SEM1: variants seen among roughly 807,000 people sequenced by gnomAD.
The protein encoded by SEM1 is 26S proteasome complex subunit SEM1.
SEM1 carries 3 observed loss-of-function variants against 12.7 expected under a neutral mutation model. The observed-to-expected ratio is 0.24, with a 90% CI of 0.11 to 0.61. The LOEUF (loss-of-function observed/expected upper bound fraction) is 0.61. Among genes scored for constraint, SEM1 ranks in the 20% least tolerant of loss-of-function variants. The probability of loss-of-function intolerance (pLI) is 0.88; values close to 1 mark genes in which losing one functional copy is unlikely to be tolerated. For synonymous variants in SEM1, 30 were observed against 27.8 expected (o/e 1.08, Z -0.25); for missense variants, 59 against 81.3 (o/e 0.73, Z 1.06).
intron 2 of SEM1, among the ~76,000 whole-genome samples, chr7:96,677,726 C>A (rs1205467774): frequency 6.6e-6 from 1 of 151,822 alleles, no homozygotes; most frequent in East Asian, 1.9e-4. Flanking sequence ...AGAAAGTCCT[C>A]AATTGGCTTC....
chr7:96,536,363 G>A (rs1804785389), intron 2 of SEM1, among the ~76,000 whole-genome samples: 1 of 151,664 alleles, frequency 6.6e-6, no homozygotes, highest in African/African-American at 2.4e-5. Context: ...AATGTTTCTT[G>A]TGACCTTGAG....
intron 2 of SEM1, among the ~76,000 whole-genome samples, chr7:96,613,108 T>C (rs1208901601): frequency 2.6e-5 from 4 of 152,224 alleles, no homozygotes; most frequent in Non-Finnish European, 4.4e-5. Context: ...CCATGCATTG[T>C]CTAGACTCTA....
At chr7:96,541,235 C>T (rs1184980519) in intron 2 of SEM1, among the ~76,000 whole-genome samples, 2 of 151,838 alleles carry the variant, frequency 1.3e-5, no homozygotes, top group Non-Finnish European at 2.9e-5. Context: ...ATTTTCTCTT[C>T]AGCCTCGCCA....
downstream of SEM1, chr7:96,622,494 T>G: frequency 1.5e-6 from 1 of 657,590 alleles, no homozygotes; most frequent in South Asian, 1.7e-5. Context: ...TTTTCCTTTC[T>G]ATCTTCTGCC....
intron 1 of SEM1, among the ~76,000 whole-genome samples, chr7:96,697,900 A>G (rs1790148453): frequency 6.6e-6 from 1 of 152,168 alleles, no homozygotes; most frequent in Non-Finnish European, 1.5e-5. Context: ...GTAGGTTATC[A>G]TAATGCAAAC....
intron 2 of SEM1, among the ~76,000 whole-genome samples, chr7:96,508,467 T>A (rs936884829): frequency 2.6e-5 from 4 of 152,092 alleles, no homozygotes; most frequent in African/African-American, 9.7e-5. Flanking sequence ...ACTCCACTCA[T>A]GTATACATGG....
chr7:96,604,201 A>G (rs1287012968), intron 2 of SEM1, among the ~76,000 whole-genome samples: 2 of 152,180 alleles, frequency 1.3e-5, no homozygotes, highest in South Asian at 2.1e-4. Context: ...AGTAGGAGCC[A>G]CCAGCTGTGG....
chr7:96,513,415 A>G (rs1436112172), intron 2 of SEM1, among the ~76,000 whole-genome samples: 1 of 152,210 alleles, frequency 6.6e-6, no homozygotes, highest in Non-Finnish European at 1.5e-5. Flanking sequence ...ATTAGTATTT[A>G]AAAATCCAAC....
At chr7:96,654,074 G>C (rs1428645880) in intron 2 of SEM1, among the ~76,000 whole-genome samples, 2 of 152,218 alleles carry the variant, frequency 1.3e-5, no homozygotes, top group African/African-American at 2.4e-5. Flanking sequence ...GCAATGATGA[G>C]AGTGCACTTA....
chr7:96,705,404 T>A (rs1395150022), intron 1 of SEM1, among the ~76,000 whole-genome samples: 5 of 148,844 alleles, frequency 3.4e-5, no homozygotes, highest in Admixed American at 3.3e-4. Context: ...AGGAAGAGAA[T>A]AAAAGAATCT....
intron 2 of SEM1, among the ~76,000 whole-genome samples, chr7:96,572,668 A>G (rs879022381): frequency 6.6e-6 from 1 of 151,844 alleles, no homozygotes; most frequent in Non-Finnish European, 1.5e-5. Flanking sequence ...GATTTCCATT[A>G]TTTTGCATTT....
intron 2 of SEM1, among the ~76,000 whole-genome samples, chr7:96,524,291 A>T (rs1804376916): frequency 6.6e-6 from 1 of 152,160 alleles, no homozygotes; most frequent in African/African-American, 2.4e-5. Flanking sequence ...CACTGAAAAG[A>T]TATAGACCAA....
downstream of SEM1, chr7:96,687,889 C>T (rs1223482010): frequency 6.6e-6 from 1 of 151,950 alleles, no homozygotes; most frequent in Non-Finnish European, 1.5e-5. Context: ...CTAGCAGTTC[C>T]GTTAGGCAGG....
At chr7:96,595,917 G>C (rs1306401851) in intron 2 of SEM1, among the ~76,000 whole-genome samples, 1 of 152,090 alleles carries the variant, frequency 6.6e-6, no homozygotes, top group Non-Finnish European at 1.5e-5. Context: ...CCAACAAAGA[G>C]GTGTGTAGCC....
intron 2 of SEM1, among the ~76,000 whole-genome samples, chr7:96,678,434 G>C (rs1789512123): frequency 6.6e-6 from 1 of 152,126 alleles, no homozygotes; most frequent in African/African-American, 2.4e-5. Flanking sequence ...CCTGAATCTG[G>C]ACAGAAAGTA....
chr7:96,599,305 T>C (rs1461046125), intron 2 of SEM1, among the ~76,000 whole-genome samples: 1 of 152,144 alleles, frequency 6.6e-6, no homozygotes, highest in African/African-American at 2.4e-5. Context: ...AAGCCTTTTC[T>C]TGCAGAAACT....
chr7:96,578,652 T>C (rs1483075909), intron 2 of SEM1, among the ~76,000 whole-genome samples: 1 of 152,208 alleles, frequency 6.6e-6, no homozygotes. Context: ...TTGGTAAAGA[T>C]ATGGGAAAAT....
At chr7:96,558,792 C>G (rs2115900940) in intron 2 of SEM1, among the ~76,000 whole-genome samples, 1 of 152,280 alleles carries the variant, frequency 6.6e-6, no homozygotes, top group South Asian at 2.1e-4. Flanking sequence ...AAGCCTTAGT[C>G]TGTTGGAATG....
intron 2 of SEM1, among the ~76,000 whole-genome samples, chr7:96,677,958 A>G (rs183628549): frequency 2.0e-5 from 3 of 152,314 alleles, no homozygotes; most frequent in South Asian, 4.1e-4. Context: ...ATCATCACAT[A>G]AAGCACACAT....
Sources: allele counts gnomAD v4.1 joint callset (sites outside exome capture counted in the v4.1 genomes callset), GRCh38; gene constraint gnomAD v4.1.1; transcripts MANE v1.5; gene names NCBI Gene and HGNC (gene_info 2026-07-23, HGNC 2026-07-21).